Variants in CHST8 observed in about 807,000 individuals in gnomAD.
CHST8 encodes the protein carbohydrate sulfotransferase 8, also known as GALNAC-4-ST1.
In CHST8, 10 loss-of-function variants were observed where a neutral mutation model predicts 15.0. The ratio of observed to expected loss-of-function variants is 0.67; its 90% CI spans 0.41 to 1.13. The LOEUF is 1.13. Ranked by LOEUF, CHST8 falls within the 50% of genes most tolerant of loss-of-function variation. The probability of loss-of-function intolerance (pLI) is 0.00; values close to 1 mark genes in which losing one functional copy is unlikely to be tolerated. For missense variants in CHST8, 634 were observed against 608.2 expected, an observed-to-expected ratio of 1.04 and a Z score of -0.45; for synonymous variants, 259 against 256.6, an observed-to-expected ratio of 1.01 and a Z score of -0.09.
At chr19:33,679,857 G>T (rs1025482008) in intron 2 of CHST8, among the ~76,000 whole-genome samples, 1 of 152,218 alleles carries the variant, frequency 6.6e-6, no homozygotes, top group African/African-American at 2.4e-5. Context: ...TGTGTGATCA[G>T]CAGCCAGCCT....
At chr19:33,634,048 G>A (rs1482512953) in intron 1 of CHST8, among the ~76,000 whole-genome samples, 1 of 152,010 alleles carries the variant, frequency 6.6e-6, no homozygotes, top group African/African-American at 2.4e-5. Flanking sequence ...TCGAACTCCT[G>A]GGCTTAAGCG....
intron 3 of CHST8, among the ~76,000 whole-genome samples, chr19:33,693,834 G>A (rs189459281): frequency 1.3e-5 from 2 of 151,962 alleles, no homozygotes; most frequent in East Asian, 3.9e-4. Flanking sequence ...GCTCCTGTCT[G>A]CCTGGCTGTC....
Position 33,653,532 on chromosome 19 carries a change from A to T in CHST8, c.-163-14235A>T, listed in dbSNP as rs1482303105. Reference sequence around the variant, plus strand: ...TTAAGTTCTGCAAATTTTTTCAGTCATCATCTCTTCAAATAGTTCCTTGAC... The same window carrying T: ...TTAAGTTCTGCAAATTTTTTCAGTCTTCATCTCTTCAAATAGTTCCTTGAC... On this transcript the variant is annotated intron_variant, in intron 1 of 4. Coordinates refer to ENST00000650847, the MANE Select transcript of CHST8 (RefSeq NM_001127895.2). Among the ~76,000 whole-genome samples, 7 of 152,186 alleles carry T rather than the reference A, an allele frequency of 4.6e-5. No homozygotes were observed. The East Asian group carries it at 1.3e-3, about 29-fold the overall frequency.
chr19:33,634,378 GA>G (rs1972163399), intron 1 of CHST8, among the ~76,000 whole-genome samples: 1 of 152,124 alleles, frequency 6.6e-6, no homozygotes. Flanking sequence ...CAACAAATTT[GA>G]AAATTTCCTT....
intron 2 of CHST8, among the ~76,000 whole-genome samples, chr19:33,686,026 C>T (rs1282292619): frequency 6.6e-6 from 1 of 152,148 alleles, no homozygotes; most frequent in Non-Finnish European, 1.5e-5. Context: ...GTTAGCTGGT[C>T]AGATGGTCCC....
chr19:33,764,693 A>G (rs1416977485), intron 3 of CHST8, among the ~76,000 whole-genome samples: 1 of 152,250 alleles, frequency 6.6e-6, no homozygotes, highest in Non-Finnish European at 1.5e-5. Context: ...GCCCTTTTTA[A>G]AAACATTTTA....
intron 3 of CHST8, among the ~76,000 whole-genome samples, chr19:33,703,604 C>T (rs550643661): frequency 2.0e-5 from 3 of 152,340 alleles, no homozygotes; most frequent in Admixed American, 6.5e-5. Flanking sequence ...AACTGCCTGC[C>T]GGTGGGGTTA....
chr19:33,625,499 G>A (rs894926405), intron 1 of CHST8, among the ~76,000 whole-genome samples: 3 of 152,190 alleles, frequency 2.0e-5, no homozygotes, highest in Non-Finnish European at 4.4e-5. Flanking sequence ...TTTATATAGT[G>A]CTGGCCCAAG....
intron 3 of CHST8, among the ~76,000 whole-genome samples, chr19:33,718,208 G>C (rs1973700078): frequency 6.7e-6 from 1 of 149,766 alleles, no homozygotes; most frequent in Non-Finnish European, 1.5e-5. Flanking sequence ...TCACTGGATT[G>C]TCTTTTTTTC....
At chr19:33,702,017 C>A (rs1184588211) in intron 3 of CHST8, among the ~76,000 whole-genome samples, 1 of 152,194 alleles carries the variant, frequency 6.6e-6, no homozygotes, top group Admixed American at 6.5e-5. Context: ...GAGATGGAAT[C>A]TCGCTGTGTC....
intron 1 of CHST8, among the ~76,000 whole-genome samples, chr19:33,624,583 G>A (rs940134581): frequency 1.3e-5 from 2 of 152,110 alleles, no homozygotes; most frequent in African/African-American, 2.4e-5. Context: ...GTTCAAAAAC[G>A]ACTTTTTTGC....
At chr19:33,685,354 C>CTTT (rs113246634) in intron 2 of CHST8, among the ~76,000 whole-genome samples, 7 of 143,234 alleles carry the variant, frequency 4.9e-5, no homozygotes, top group Admixed American at 2.1e-4. Flanking sequence ...TTAATTGGAT[C>CTTT]TTTTTTTTTT....
At position 33,770,073 on chromosome 19, in the gene CHST8, C is replaced by T. The variant is rs534162233; in HGVS notation, c.131-1340C>T. 1.8e-3 allele frequency among the ~76,000 whole-genome samples: 271 copies of T among 152,326 alleles called. 2 individuals carry two copies. Among genetic ancestry groups the T allele is most frequent in the Middle Eastern group, 3.4e-3 (1 of 294 alleles). On this transcript the variant is annotated intron_variant, in intron 3 of 4. Coordinates refer to ENST00000650847, the MANE Select transcript of CHST8 (RefSeq NM_001127895.2). ...GACTGAAGGAGACGTGCGGGCACGGCCTCAGCCTTACATTGTCTGGGGCAT... is the reference window on the plus strand; with the variant it reads ...GACTGAAGGAGACGTGCGGGCACGGTCTCAGCCTTACATTGTCTGGGGCAT...
At chr19:33,740,764 A>G (rs1044127314) in intron 3 of CHST8, among the ~76,000 whole-genome samples, 5 of 152,182 alleles carry the variant, frequency 3.3e-5, no homozygotes, top group Admixed American at 6.5e-5. Flanking sequence ...CTGGCATCAT[A>G]TGGGACAGTG....
At position 33,773,428 on chromosome 19, in the gene CHST8, C is replaced by T; in HGVS notation, c.*365C>T. 4.2e-6 allele frequency: 1 copy of T among 240,222 alleles called. No homozygotes were observed. Among genetic ancestry groups the T allele is most frequent in the Non-Finnish European group, 8.1e-6 (1 of 123,506 alleles). The allele number at this position is 240,222 out of a possible 1,614,324, so 14.9% of individuals were successfully genotyped here. On this transcript the variant is annotated 3_prime_UTR_variant, in exon 5 of 5. Transcript: ENST00000650847. ...TTAGCCATTGCCTTGGACCAAACCA[C>T]GTGGTTTGCAGCTTTTCTACGAGCC...
Position 33,689,206 on chromosome 19 carries a change from G to C in CHST8, c.-56G>C. ...GGCCTGATGGACGCCTGGTGTGGAC[G>C]ATGAGGGAAGAACGTGCCCCCCACA... On this transcript the variant is annotated 5_prime_UTR_variant, in exon 3 of 5. Coordinates refer to ENST00000650847, the MANE Select transcript of CHST8 (RefSeq NM_001127895.2). 4.1e-6 allele frequency: 6 copies of C among 1,475,218 alleles called. No homozygotes were observed. The highest frequency in any genetic ancestry group is 5.4e-6 in the Non-Finnish European group (6 of 1,112,904). 91.4% of individuals were successfully genotyped at this position (1,475,218 alleles called of 1,614,324 possible).
chr19:33,693,210 C>T (rs10426508), intron 3 of CHST8, among the ~76,000 whole-genome samples: 40,491 of 151,730 alleles, frequency 0.27, 5,858 homozygotes, highest in African/African-American at 0.35. Flanking sequence ...TTCTCCATGT[C>T]GGTCAGGCTG....
chr19:33,763,332 C>A (rs910934954), intron 3 of CHST8, among the ~76,000 whole-genome samples: 3 of 152,182 alleles, frequency 2.0e-5, no homozygotes, highest in Non-Finnish European at 4.4e-5. Flanking sequence ...GAAGAAGCCC[C>A]CCACCCAGAG....
intron 3 of CHST8, among the ~76,000 whole-genome samples, chr19:33,742,823 C>G (rs992249069): frequency 1.3e-5 from 2 of 152,202 alleles, no homozygotes; most frequent in South Asian, 4.1e-4. Flanking sequence ...GCTACACCAA[C>G]ATTGCTACTC....
Sources: allele counts gnomAD v4.1 joint callset (sites outside exome capture counted in the v4.1 genomes callset), GRCh38; gene constraint gnomAD v4.1.1; transcripts MANE v1.5; gene names NCBI Gene and HGNC (gene_info 2026-07-23, HGNC 2026-07-21).